Variants in MYH8 observed in about 807,000 individuals in gnomAD.
MYH8 encodes the protein myosin heavy chain 8.
A neutral mutation model predicts 233.2 loss-of-function variants in MYH8; 168 were observed. That is an observed-to-expected ratio of 0.72 (90% CI 0.64 to 0.82). The LOEUF (loss-of-function observed/expected upper bound fraction) is 0.82, where lower values mean the gene tolerates loss of function less well. Ranked by LOEUF, MYH8 falls within the 40% of genes least tolerant of loss-of-function variation. The pLI is 0.00. For missense variants in MYH8, 1,995 were observed against 2,327.8 expected (o/e 0.86, Z 2.94); for synonymous variants, 785 against 850.6 (o/e 0.92, Z 1.34).
At position 10,406,725 on chromosome 17, in the gene MYH8, G is replaced by A; in HGVS notation, c.2136C>T (p.Phe712=). 1 of 1,614,044 alleles carries A rather than the reference G, an allele frequency of 6.2e-7. No homozygotes were observed. Among genetic ancestry groups the A allele is most frequent in the Non-Finnish European group, 8.5e-7 (1 of 1,179,978 alleles). The change falls in exon 19 of 40, where the codon TTC becomes TTT. Residue 712 remains phenylalanine, a synonymous_variant. Transcript: ENST00000403437. ...LEGIRICRKG[F]PSRILYGDFK... is the part of the protein sequence containing the mutation. ...AATCACCATATAAGATTCTGCTTGG[G>A]AATCCTTTCCTACAGATGCGGATGC...
At position 10,400,407 on chromosome 17, in the gene MYH8, C is replaced by T; in HGVS notation, c.3718G>A (p.Ala1240Thr). 1.2e-6 allele frequency: 2 copies of T among 1,613,444 alleles called. No individual in the cohort carries two copies. Among genetic ancestry groups the T allele is most frequent in the South Asian group, 2.2e-5 (2 of 91,064 alleles). ...ETDDLSSNAE[A>T]ISKAKGNLEK... ...TTGGGTACCTTGGCTTTGGAAATGG[C>T]CTCTGCGTTACTGCTGAGGTCATCA... Residue 1240 changes from alanine (A) to threonine (T), a missense_variant, in exon 27 of 40, where the codon GCC (alanine) becomes ACC (threonine). Transcript: ENST00000403437. The surrounding 1 kb of genome is among the most constrained non-coding windows in gnomAD (Gnocchi z 4.0).
chr17:10,401,483 T>C (rs2072142081), intron 23 of MYH8, 32 bp from the exon 24 acceptor site: 1 of 1,614,180 alleles, frequency 6.2e-7, no homozygotes, highest in Admixed American at 1.7e-5. Context: ...TTATTTCTCC[T>C]ATAAAGCAAT....
In MYH8 at chr17:10,419,068, T is replaced by G; in HGVS notation, c.211-38A>C. ...CAAGAAACCAGTTCGTTTTTGTTTGTTTGTTTGAGATAGAGTTTTGCTTTT... is the reference window on the plus strand; with the variant it reads ...CAAGAAACCAGTTCGTTTTTGTTTGGTTGTTTGAGATAGAGTTTTGCTTTT... On this transcript the variant is annotated intron_variant, in intron 3 of 39. Transcript: ENST00000403437. The surrounding 1 kb of genome is among the most constrained non-coding windows in gnomAD (Gnocchi z 4.0). 1.2e-6 allele frequency: 2 copies of G among 1,613,746 alleles called. No individual in the cohort carries two copies. The highest frequency in any genetic ancestry group is 1.7e-6 in the Non-Finnish European group (2 of 1,179,788).
chr17:10,397,781 T>A (rs1052511362), intron 30 of MYH8, among the ~76,000 whole-genome samples: 3 of 152,214 alleles, frequency 2.0e-5, no homozygotes, highest in African/African-American at 7.2e-5. Context: ...TGTGTTTTTT[T>A]CCTAGAGAAT....
At chr17:10,393,235 T>TA in intron 35 of MYH8, 25 bp from the exon 36 acceptor site, 1 of 1,614,180 alleles carries the variant, frequency 6.2e-7, no homozygotes, top group Non-Finnish European at 8.5e-7. Flanking sequence ...CGTGGAAATT[T>TA]ACAAAATTTG....
chr17:10,396,493 T>C lies in MYH8; in HGVS notation c.4529-39A>G, dbSNP rs141373840. The stretch of plus-strand genomic sequence containing the variant: ...GACAGGAGAGAAATGGTCAGAAAGA[T>C]GGCAACATGGAAAGGTCCTCCCAGG... On this transcript the variant is annotated intron_variant, in intron 32 of 39. Transcript: ENST00000403437. This position sits in a 1 kb window ranked among gnomAD's most constrained non-coding sequence, Gnocchi z 4.2. The C allele has an allele frequency of 2.7e-5, 43 of 1,614,004 alleles. No individual in the cohort carries two copies. In the East Asian group the frequency reaches 8.5e-4, roughly 32 times the overall value.
At chr17:10,407,318 A>G (rs1264026363) in intron 17 of MYH8, among the ~76,000 whole-genome samples, 1 of 152,184 alleles carries the variant, frequency 6.6e-6, no homozygotes, top group Non-Finnish European at 1.5e-5. Context: ...CCACTAATGA[A>G]CTGCCTGACT....
intron 35 of MYH8, 117 bp from the exon 36 acceptor site, chr17:10,393,327 T>A: frequency 7.4e-7 from 1 of 1,342,366 alleles, no homozygotes; most frequent in Non-Finnish European, 1.1e-6. Flanking sequence ...CACTAAACTT[T>A]AATTATTTGT....
At chr17:10,404,614 A>G in intron 21 of MYH8, 29 bp from the exon 22 acceptor site, 1 of 1,613,396 alleles carries the variant, frequency 6.2e-7, no homozygotes, top group Non-Finnish European at 8.5e-7. Flanking sequence ...ATCAGTGTAG[A>G]CTAATCCATC....
At chr17:10,403,712 T>G (rs2142177777) in intron 22 of MYH8, among the ~76,000 whole-genome samples, 1 of 152,294 alleles carries the variant, frequency 6.6e-6, no homozygotes, top group East Asian at 1.9e-4. Context: ...TTAGGTTTGC[T>G]GAACCAAGGA....
Position 10,396,642 on chromosome 17 carries a change from A to G in MYH8, c.4439T>C (p.Leu1480Pro). Reference protein sequence around the residue: ...LEASQKESRSLSTELFKVKNV... With the variant: ...LEASQKESRSPSTELFKVKNV... ...CTTCACCTTGAACAGCTCAGTGCTA[A>G]GAGAACGTGACTCCTTCTGGGAGGC... The change falls in exon 32 of 40, where the codon CTT (leucine) becomes CCT (proline). Residue 1480 changes from leucine (L) to proline (P), a missense_variant. This residue lies in a region of MYH8 where 1,498 missense variants were observed against 1,680.9 expected (regional missense o/e 0.89). Coordinates refer to ENST00000403437, the MANE Select transcript of MYH8 (RefSeq NM_002472.3). The surrounding 1 kb of genome is among the most constrained non-coding windows in gnomAD (Gnocchi z 4.2). 6.2e-7 allele frequency: 1 copy of G among 1,614,254 alleles called. No individual in the cohort carries two copies. The highest frequency in any genetic ancestry group is 8.5e-7 in the Non-Finnish European group (1 of 1,180,044).
At chr17:10,408,083 G>A (rs1381449449) in intron 17 of MYH8, among the ~76,000 whole-genome samples, 1 of 151,618 alleles carries the variant, frequency 6.6e-6, no homozygotes, top group Non-Finnish European at 1.5e-5. Flanking sequence ...TGGGACTATA[G>A]GCGTGCACCA....
Position 10,414,288 on chromosome 17 carries a change from G to A in MYH8, c.912C>T (p.Leu304=), listed in dbSNP as rs574646948. 3 of 1,614,042 alleles carry A rather than the reference G, an allele frequency of 1.9e-6. No homozygotes were observed. The highest frequency in any genetic ancestry group is 2.5e-6 in the Non-Finnish European group (3 of 1,179,924). ...SNKKPDLIEM[L]LITTNPYDYA... ...AGTCATATGGGTTGGTGGTGATCAGGAGCATTTCTGGGTCACAGAATTCAG... is the reference window on the plus strand; with the variant it reads ...AGTCATATGGGTTGGTGGTGATCAGAAGCATTTCTGGGTCACAGAATTCAG... The change falls in exon 11 of 40, where the codon CTC becomes CTT. Residue 304 remains leucine (L), a synonymous_variant. Transcript: ENST00000403437.
At chr17:10,398,674 T>C (rs746353969) in intron 29 of MYH8, 34 bp from the exon 30 acceptor site, 51 of 1,614,054 alleles carry the variant, frequency 3.2e-5, no homozygotes, top group Non-Finnish European at 3.9e-5. Context: ...CATAAATTCA[T>C]GTATTCAGTG....
At chr17:10,392,395 G>C (rs896459286) in intron 38 of MYH8, 147 bp downstream of exon 38, 2 of 778,992 alleles carry the variant, frequency 2.6e-6, no homozygotes, top group African/African-American at 3.4e-5. Flanking sequence ...TTTAGTATAG[G>C]TCTGTGATAA....
intron 22 of MYH8, 47 bp from the exon 23 acceptor site, chr17:10,401,832 A>G: frequency 6.2e-7 from 1 of 1,613,000 alleles, no homozygotes; most frequent in Non-Finnish European, 8.5e-7. Flanking sequence ...ACTTATTTTG[A>G]AACTTGGTGT....
Position 10,396,688 on chromosome 17 carries a change from C to G in MYH8, c.4393G>C (p.Glu1465Gln). Reference protein sequence around the residue: ...VLSEWKQKYEETQAELEASQK... With the variant: ...VLSEWKQKYEQTQAELEASQK... The stretch of plus-strand genomic sequence containing the variant: ...GAGGCCTCAAGTTCAGCCTGAGTTT[C>G]CTCATACTTCTGCTTCCATTCTGAT... Residue 1465 changes from glutamate to glutamine, a missense_variant, in exon 32 of 40, where the codon GAA (glutamate) becomes CAA (glutamine). Glu to Gln is a conservative substitution (Grantham distance 29). Around this residue, in one of 3 missense-constraint regions of MYH8, gnomAD observed 1,498 missense variants for 1,680.9 expected, o/e 0.89. Coordinates refer to ENST00000403437, the MANE Select transcript of MYH8 (RefSeq NM_002472.3). This position sits in a 1 kb window ranked among gnomAD's most constrained non-coding sequence, Gnocchi z 4.2. 6.2e-7 allele frequency: 1 copy of G among 1,614,234 alleles called. No individual in the cohort carries two copies. The highest frequency in any genetic ancestry group is 8.5e-7 in the Non-Finnish European group (1 of 1,180,046).
At chr17:10,402,156 G>A (rs1230925253) in intron 22 of MYH8, among the ~76,000 whole-genome samples, 2 of 151,286 alleles carry the variant, frequency 1.3e-5, no homozygotes, top group African/African-American at 4.9e-5. Context: ...TCAATTTTGT[G>A]TATATATATA....
intron 30 of MYH8, among the ~76,000 whole-genome samples, chr17:10,397,423 A>G (rs1040356546): frequency 3.9e-5 from 6 of 152,160 alleles, no homozygotes; most frequent in Non-Finnish European, 5.9e-5. Context: ...GGCAAATGGC[A>G]TATGATTTTC....
Sources: allele counts gnomAD v4.1 joint callset (sites outside exome capture counted in the v4.1 genomes callset), GRCh38; gene constraint gnomAD v4.1.1; regional missense constraint gnomAD v4.1.1; non-coding constraint Gnocchi (gnomAD v3.1); transcripts MANE v1.5; gene names NCBI Gene and HGNC (gene_info 2026-07-23, HGNC 2026-07-21).